Variants in XPR1 observed in about 807,000 individuals in gnomAD.
XPR1 encodes xenotropic and polytropic retrovirus receptor 1, also known as solute carrier family 53 member 1.
In XPR1, 28 loss-of-function variants were observed where a neutral mutation model predicts 87.5. The ratio of observed to expected loss-of-function variants is 0.32; its 90% CI spans 0.24 to 0.44. The LOEUF (loss-of-function observed/expected upper bound fraction) is 0.44, where lower values mean the gene tolerates loss of function less well. Among genes scored for constraint, XPR1 ranks in the 20% least tolerant of loss-of-function variants. The pLI is 1.00. For missense variants in XPR1, 559 were observed against 862.3 expected (o/e 0.65, Z 4.41); for synonymous variants, 300 against 306.1 (o/e 0.98, Z 0.21).
intron 1 of XPR1, among the ~76,000 whole-genome samples, chr1:180,642,531 G>GA (rs1654992640): frequency 6.6e-6 from 1 of 152,030 alleles, no homozygotes; most frequent in Non-Finnish European, 1.5e-5. Flanking sequence ...TCTAAGGTAG[G>GA]TTTTGTTATC....
chr1:180,778,237 G>T (rs1273127954), intron 2 of XPR1, among the ~76,000 whole-genome samples: 1 of 151,994 alleles, frequency 6.6e-6, no homozygotes, highest in Non-Finnish European at 1.5e-5. Context: ...TCCCACCTCG[G>T]CCTCCCAAAG....
intron 2 of XPR1, among the ~76,000 whole-genome samples, chr1:180,704,830 T>G (rs990836811): frequency 6.8e-6 from 1 of 146,074 alleles, no homozygotes; most frequent in East Asian, 1.9e-4. Flanking sequence ...TTTTTTTTTT[T>G]TTTTTTTTTA....
chr1:180,726,905 C>T (rs1436731096), intron 2 of XPR1, among the ~76,000 whole-genome samples: 1 of 148,122 alleles, frequency 6.8e-6, no homozygotes, highest in African/African-American at 2.5e-5. Context: ...GATGGAGTCT[C>T]GCTTTGGCGC....
At chr1:180,764,555 G>A (rs924682892) in intron 2 of XPR1, among the ~76,000 whole-genome samples, 1 of 150,972 alleles carries the variant, frequency 6.6e-6, no homozygotes, top group African/African-American at 2.4e-5. Flanking sequence ...CTGCAGCCTC[G>A]ACTTCCTGAG....
chr1:180,801,198 C>T (rs937524510), intron 3 of XPR1, among the ~76,000 whole-genome samples: 1 of 152,226 alleles, frequency 6.6e-6, no homozygotes, highest in African/African-American at 2.4e-5. Context: ...TCAATAGATA[C>T]ATCTCTCATG....
chr1:180,667,250 G>A (rs145954866), intron 1 of XPR1, among the ~76,000 whole-genome samples: 1 of 152,218 alleles, frequency 6.6e-6, no homozygotes, highest in Non-Finnish European at 1.5e-5. Flanking sequence ...GGGTTTTTCA[G>A]ATATGGCTTT....
intron 3 of XPR1, among the ~76,000 whole-genome samples, chr1:180,802,397 T>TA (rs1325412682): frequency 6.6e-6 from 1 of 152,184 alleles, no homozygotes; most frequent in African/African-American, 2.4e-5. Context: ...TAATCTCTTG[T>TA]AATACCTGGT....
intron 1 of XPR1, among the ~76,000 whole-genome samples, chr1:180,679,098 G>T (rs888396355): frequency 7.2e-5 from 11 of 152,152 alleles, no homozygotes; most frequent in African/African-American, 2.4e-4. Flanking sequence ...GGGAGGCTGA[G>T]GCAGGAGAAT....
At chr1:180,732,672 G>T (rs921734689) in intron 2 of XPR1, among the ~76,000 whole-genome samples, 6 of 152,220 alleles carry the variant, frequency 3.9e-5, no homozygotes, top group Non-Finnish European at 5.9e-5. Context: ...CAGTGTCTAG[G>T]GGTAAATGTC....
chr1:180,778,285 A>G (rs980431670), intron 2 of XPR1, among the ~76,000 whole-genome samples: 9 of 152,068 alleles, frequency 5.9e-5, no homozygotes, highest in Non-Finnish European at 2.9e-5. Context: ...CACCTGACCT[A>G]TTCCTGCAGA....
intron 12 of XPR1, among the ~76,000 whole-genome samples, chr1:180,865,940 G>C (rs2102210843): frequency 6.6e-6 from 1 of 152,244 alleles, no homozygotes; most frequent in African/African-American, 2.4e-5. Flanking sequence ...GGCCAGACGT[G>C]GTGGCTCACA....
At chr1:180,813,303 TC>T (rs1280601249) in intron 7 of XPR1, among the ~76,000 whole-genome samples, 2 of 152,138 alleles carry the variant, frequency 1.3e-5, no homozygotes, top group Non-Finnish European at 2.9e-5. Flanking sequence ...AAAGAGCTCT[TC>T]CCCAAGATGT....
chr1:180,763,617 G>A (rs573274430), intron 2 of XPR1, among the ~76,000 whole-genome samples: 1 of 152,330 alleles, frequency 6.6e-6, no homozygotes, highest in African/African-American at 2.4e-5. Context: ...GTTTAACACA[G>A]TAGAAAAAGT....
At chr1:180,684,368 C>T (rs991993375) in intron 2 of XPR1, among the ~76,000 whole-genome samples, 3 of 151,972 alleles carry the variant, frequency 2.0e-5, no homozygotes, top group Non-Finnish European at 4.4e-5. Context: ...TGGTCCAGTA[C>T]CATGCTGTTT....
chr1:180,786,147 G>C (rs919376272), intron 2 of XPR1, among the ~76,000 whole-genome samples: 2 of 152,018 alleles, frequency 1.3e-5, no homozygotes, highest in Non-Finnish European at 2.9e-5. Flanking sequence ...ACATGAAATA[G>C]AGAAGCAGGT....
At position 180,874,156 on chromosome 1, in the gene XPR1, A is replaced by G. The variant is rs561528572; in HGVS notation, c.1808+214A>G. ...TTGATCCACCCACCTCGGCCTCCCA[A>G]AGTGCTGGGATTACAGGCGTGAGCT... On this transcript the variant is annotated intron_variant, in intron 13 of 14. Transcript: ENST00000367590. 3.6e-5 allele frequency: 18 copies of G among 500,536 alleles called. No individual in the cohort carries two copies. The East Asian group carries it at 6.1e-4, about 17-fold the overall frequency. The allele number at this position is 500,536 out of a possible 1,614,324, so 31.0% of individuals were successfully genotyped here.
rs190343781 is a variant in XPR1, at chr1:180,760,637, G to A, written c.122-27116G>A. Among the ~76,000 whole-genome samples the A allele has an allele frequency of 8.4e-4, 128 of 152,206 alleles. 1 individual carries two copies. The East Asian group carries it at 0.012, about 14-fold the overall frequency. On this transcript the variant is annotated intron_variant, in intron 2 of 14. Transcript: ENST00000367590. The stretch of plus-strand genomic sequence containing the variant: ...AGAGGATACAAGCAAATGGAAGAAC[G>A]TTCCATGCTCATGGGTAGGAAGAAT...
chr1:180,681,473 G>C (rs949823615), intron 1 of XPR1, among the ~76,000 whole-genome samples: 9 of 152,056 alleles, frequency 5.9e-5, no homozygotes, highest in Non-Finnish European at 1.5e-5. Flanking sequence ...GTGAAACTCT[G>C]TCTCTACTAA....
intron 13 of XPR1, among the ~76,000 whole-genome samples, chr1:180,874,248 T>G (rs1388323345): frequency 1.3e-5 from 2 of 152,186 alleles, no homozygotes; most frequent in African/African-American, 4.8e-5. Context: ...CTTAAAAGCT[T>G]CTTTAGAACG....
Sources: allele counts gnomAD v4.1 joint callset (sites outside exome capture counted in the v4.1 genomes callset), GRCh38; gene constraint gnomAD v4.1.1; transcripts MANE v1.5; gene names NCBI Gene and HGNC (gene_info 2026-07-23, HGNC 2026-07-21).